FAF1: variants seen among roughly 807,000 people sequenced by gnomAD.
FAF1 encodes Fas associated factor 1.
In FAF1, 25 loss-of-function variants were observed where a neutral mutation model predicts 92.5. The observed-to-expected ratio is 0.27, with a 90% confidence interval of 0.20 to 0.38. The LOEUF is 0.38. Among genes scored for constraint, FAF1 ranks in the 10% least tolerant of loss-of-function variants. The probability of loss-of-function intolerance (pLI) is 1.00; values close to 1 mark genes in which losing one functional copy is unlikely to be tolerated. For synonymous variants in FAF1, 234 were observed against 273.2 expected (o/e 0.86, Z 1.42); for missense variants, 636 against 793.3 (o/e 0.80, Z 2.38).
chr1:50,689,768 C>T (rs937614244), intron 7 of FAF1, among the ~76,000 whole-genome samples: 15 of 152,110 alleles, frequency 9.9e-5, no homozygotes, highest in South Asian at 2.1e-4. Context: ...GAATAAAATA[C>T]GGATTACATG....
intron 1 of FAF1, among the ~76,000 whole-genome samples, chr1:50,870,599 T>G (rs922083312): frequency 6.6e-6 from 1 of 152,238 alleles, no homozygotes; most frequent in African/African-American, 2.4e-5. Context: ...TTCAAACTTT[T>G]TCACTATTAT....
chr1:50,700,693 G>C (rs1321164859), intron 7 of FAF1, among the ~76,000 whole-genome samples: 1 of 152,060 alleles, frequency 6.6e-6, no homozygotes, highest in East Asian at 1.9e-4. Flanking sequence ...ATGAAATGTG[G>C]TCAGCTATCA....
intron 7 of FAF1, among the ~76,000 whole-genome samples, chr1:50,692,241 C>CTGTGTGTGTGTGTGTG (rs59187392): frequency 7.4e-4 from 95 of 129,076 alleles, no homozygotes; most frequent in East Asian, 3.0e-3. Context: ...GAAGTATTTA[C>CTGTGTGTGTGTGTGTG]TGTGTGTGTG....
chr1:50,880,924 G>A (rs907719477), intron 1 of FAF1, among the ~76,000 whole-genome samples: 6 of 152,052 alleles, frequency 3.9e-5, no homozygotes, highest in Non-Finnish European at 7.4e-5. Context: ...TTTCAGCTTT[G>A]GAATCACCTT....
chr1:50,451,756 T>C (rs1646296013), intron 18 of FAF1: 1 of 732,900 alleles, frequency 1.4e-6, no homozygotes, highest in Non-Finnish European at 1.7e-6. Flanking sequence ...CTGTAGCATA[T>C]GGGGACAGAA....
chr1:50,468,251 C>T (rs1557957525), intron 18 of FAF1, among the ~76,000 whole-genome samples: 1 of 151,766 alleles, frequency 6.6e-6, no homozygotes, highest in Admixed American at 6.6e-5. Flanking sequence ...CACATTGTAC[C>T]CCATAACAAT....
intron 1 of FAF1, among the ~76,000 whole-genome samples, chr1:50,928,437 C>A (rs535225899): frequency 2.0e-5 from 3 of 152,128 alleles, no homozygotes; most frequent in Non-Finnish European, 4.4e-5. Context: ...GGCATTAATT[C>A]TTTAGAATAA....
chr1:50,919,752 C>T (rs1437608425), intron 1 of FAF1, among the ~76,000 whole-genome samples: 2 of 152,006 alleles, frequency 1.3e-5, no homozygotes, highest in Non-Finnish European at 2.9e-5. Flanking sequence ...CTTTTACAGG[C>T]GTGAGCCACC....
chr1:50,463,682 C>T (rs1246006519), intron 18 of FAF1, among the ~76,000 whole-genome samples: 1 of 152,100 alleles, frequency 6.6e-6, no homozygotes, highest in Non-Finnish European at 1.5e-5. Flanking sequence ...CAAGGTCTGG[C>T]GTGGAACAGA....
At chr1:50,519,984 A>G (rs1444865872) in intron 15 of FAF1, among the ~76,000 whole-genome samples, 1 of 152,246 alleles carries the variant, frequency 6.6e-6, no homozygotes. Flanking sequence ...GGAATGCATC[A>G]TCCATATATC....
chr1:50,722,142 G>GA (rs1210451742), intron 6 of FAF1, among the ~76,000 whole-genome samples: 2 of 152,148 alleles, frequency 1.3e-5, no homozygotes, highest in African/African-American at 4.8e-5. Flanking sequence ...ATCTATTCCT[G>GA]AAAGAGCATC....
At chr1:50,473,470 A>G (rs776320105) in intron 18 of FAF1, among the ~76,000 whole-genome samples, 8 of 152,204 alleles carry the variant, frequency 5.3e-5, no homozygotes, top group Non-Finnish European at 1.0e-4. Context: ...AAGTTTTTTA[A>G]GTTCTCTGAG....
intron 1 of FAF1, among the ~76,000 whole-genome samples, chr1:50,930,180 T>C (rs115658954): frequency 1.3e-5 from 2 of 152,124 alleles, no homozygotes; most frequent in African/African-American, 4.8e-5. Flanking sequence ...AATGCCAAAG[T>C]GGGAAATTCT....
At chr1:50,711,855 G>A (rs1557488168) in intron 6 of FAF1, among the ~76,000 whole-genome samples, 1 of 152,032 alleles carries the variant, frequency 6.6e-6, no homozygotes, top group Non-Finnish European at 1.5e-5. Context: ...TCAGATAAGG[G>A]TATTATCTTT....
At chr1:50,576,644 G>A (rs1298469994) in intron 12 of FAF1, among the ~76,000 whole-genome samples, 7 of 54,048 alleles carry the variant, frequency 1.3e-4, no homozygotes, top group East Asian at 1.1e-3. Flanking sequence ...CCCCCCCCCC[G>A]CCACCACCCC....
chr1:50,875,816 CCCT>C (rs1644566656), intron 1 of FAF1, among the ~76,000 whole-genome samples: 1 of 152,080 alleles, frequency 6.6e-6, no homozygotes, highest in Admixed American at 6.6e-5. Flanking sequence ...GAACTTACCC[CCCT>C]AACTGAAATT....
intron 2 of FAF1, among the ~76,000 whole-genome samples, chr1:50,826,002 G>A (rs957745144): frequency 3.3e-5 from 5 of 152,118 alleles, no homozygotes; most frequent in South Asian, 2.1e-4. Flanking sequence ...CAAAACATAC[G>A]ATATGCATCT....
chr1:50,527,521 C>A (rs1647874604), intron 15 of FAF1, among the ~76,000 whole-genome samples: 1 of 152,116 alleles, frequency 6.6e-6, no homozygotes. Flanking sequence ...TAAAATTTAA[C>A]TCAGCTTGCA....
intron 4 of FAF1, among the ~76,000 whole-genome samples, chr1:50,759,762 A>C (rs954139534): frequency 4.4e-4 from 67 of 152,236 alleles, no homozygotes; most frequent in Admixed American, 9.2e-4. Flanking sequence ...GTTTACAGTC[A>C]CACCAACAGT....
Sources: gnomAD v4.1 joint callset for allele counts (sites outside exome capture counted in the v4.1 genomes callset) on GRCh38, gnomAD v4.1.1 for gene constraint, MANE v1.5 for transcripts, NCBI Gene and HGNC (gene_info 2026-07-23, HGNC 2026-07-21) for gene names.